Variants in OSMR observed in about 807,000 individuals in gnomAD.
OSMR encodes the protein oncostatin M receptor.
A neutral mutation model predicts 99.9 loss-of-function variants in OSMR; 81 were observed. The ratio of observed to expected loss-of-function variants is 0.81; its 90% CI spans 0.68 to 0.97. The LOEUF (loss-of-function observed/expected upper bound fraction) is 0.97. Among genes scored for constraint, OSMR ranks in the 50% least tolerant of loss-of-function variants. The pLI is 0.00. For synonymous variants in OSMR, 406 were observed against 410.4 expected (o/e 0.99, Z 0.13); for missense variants, 1,099 against 1,153.4 (o/e 0.95, Z 0.68).
chr5:38,868,314 G>A (rs1371794273), intron 1 of OSMR, among the ~76,000 whole-genome samples: 1 of 152,176 alleles, frequency 6.6e-6, no homozygotes, highest in Non-Finnish European at 1.5e-5. Flanking sequence ...AGCAGCTGAG[G>A]TGGCCCTCTC....
Position 38,903,933 on chromosome 5 carries a change from A to G in OSMR, c.1043A>G (p.Asn348Ser). The change falls in exon 8 of 18, where the codon AAT (asparagine) becomes AGT (serine). Residue 348 changes from asparagine to serine, a missense_variant. Physicochemically the swap from Asn to Ser is conservative, Grantham distance 46. Transcript: ENST00000274276. ...SVNFENVNAT[N>S]AIMTWKVHSI... ...AACTTTGAAAATGTAAATGCCACAAATGCCATCATGACCTGGAAGGTGCAC... is the reference window on the plus strand; with the variant it reads ...AACTTTGAAAATGTAAATGCCACAAGTGCCATCATGACCTGGAAGGTGCAC... 1.2e-6 allele frequency: 2 copies of G among 1,613,982 alleles called. No homozygotes were observed. The highest frequency in any genetic ancestry group is 1.7e-6 in the Non-Finnish European group (2 of 1,179,978).
intron 7 of OSMR, among the ~76,000 whole-genome samples, chr5:38,898,085 C>T (rs2112499240): frequency 6.6e-6 from 1 of 152,164 alleles, no homozygotes; most frequent in Admixed American, 6.5e-5. Flanking sequence ...AGCCATTGTA[C>T]AAAATATTTC....
chr5:38,902,140 A>G (rs1197674748), intron 7 of OSMR, among the ~76,000 whole-genome samples: 1 of 152,254 alleles, frequency 6.6e-6, no homozygotes, highest in Non-Finnish European at 1.5e-5. Context: ...TAAGTCCTCA[A>G]TTAACAAAAT....
At chr5:38,862,851 C>G (rs912148256) in intron 1 of OSMR, among the ~76,000 whole-genome samples, 24 of 152,174 alleles carry the variant, frequency 1.6e-4, no homozygotes, top group African/African-American at 3.6e-4. Context: ...GAGATCACAC[C>G]ACTGCACTCC....
At chr5:38,883,738 A>G in intron 4 of OSMR, 89 bp from the exon 5 acceptor site, 2 of 1,604,810 alleles carry the variant, frequency 1.2e-6, no homozygotes, top group Non-Finnish European at 1.7e-6. Flanking sequence ...AAAAAGCTAA[A>G]GTTATCTGCT....
chr5:38,883,038 G>A (rs967605067), intron 4 of OSMR, among the ~76,000 whole-genome samples: 1 of 152,208 alleles, frequency 6.6e-6, no homozygotes, highest in Non-Finnish European at 1.5e-5. Flanking sequence ...AAGAGGTTGG[G>A]TGTGGTGGCT....
intron 1 of OSMR, among the ~76,000 whole-genome samples, chr5:38,854,641 G>A (rs545137330): frequency 6.6e-6 from 1 of 152,268 alleles, no homozygotes; most frequent in East Asian, 1.9e-4. Context: ...AAGATTGAAA[G>A]CAAAGAAGAG....
chr5:38,876,448 C>G, intron 3 of OSMR, 75 bp downstream of exon 3: 6 of 1,238,206 alleles, frequency 4.8e-6, no homozygotes, highest in Non-Finnish European at 7.0e-6. Flanking sequence ...TTTATAACAT[C>G]TGAAAAATTC....
At chr5:38,855,124 C>T (rs1410625181) in intron 1 of OSMR, among the ~76,000 whole-genome samples, 1 of 152,184 alleles carries the variant, frequency 6.6e-6, no homozygotes, top group Non-Finnish European at 1.5e-5. Context: ...CACCACACAG[C>T]CCTCACCCTT....
chr5:38,942,705 G>A lies in OSMR; in HGVS notation c.75-1496G>A, dbSNP rs116674567. The A allele has an allele frequency of 4.0e-3, 2,858 of 721,424 alleles. 63 individuals carry two copies. The African/African-American group carries it at 0.045, about 11-fold the overall frequency. 44.7% of individuals were successfully genotyped at this position (721,424 alleles called of 1,614,324 possible). On this transcript the variant is annotated intron_variant and NMD_transcript_variant, in intron 1 of 2. Coordinates refer to the OSMR transcript ENST00000508882. ...TCCTGGGCTCAAGCAATTCTCCCGC[G>A]CTGACCCCACAAAGTGCTGGGATTG...
Position 38,935,023 on chromosome 5 carries a change from T to TG in OSMR, c.*1583dup, listed in dbSNP as rs1746951796. The TG allele has an allele frequency of 1.3e-5, 2 of 150,652 alleles. No homozygotes were observed. Among genetic ancestry groups the TG allele is most frequent in the South Asian group, 2.1e-4 (1 of 4,746 alleles). 9.3% of individuals were successfully genotyped at this position (150,652 alleles called of 1,614,324 possible). ...GGTAATTTTGTATCTTTAGTAGAGATGGGGTTTCACCATGTTGGTCAGGCT... is the reference window on the plus strand; with the variant it reads ...GGTAATTTTGTATCTTTAGTAGAGATGGGGGTTTCACCATGTTGGTCAGGCT... On this transcript the variant is annotated 3_prime_UTR_variant, in exon 18 of 18. Transcript: ENST00000274276.
chr5:38,886,478 C>A, intron 7 of OSMR: 1 of 478,922 alleles, frequency 2.1e-6, no homozygotes, highest in Non-Finnish European at 3.3e-6. Context: ...CCCCCACCTT[C>A]GCTCCTTCCG....
intron 6 of OSMR, 81 bp from the exon 7 acceptor site, chr5:38,885,958 C>A: frequency 6.4e-7 from 1 of 1,571,860 alleles, no homozygotes; most frequent in Non-Finnish European, 8.6e-7. Flanking sequence ...ACTGAGTATG[C>A]CCTGAGGGAT....
Position 38,932,449 on chromosome 5 carries a change from G to C in OSMR, c.2295-14G>C, listed in dbSNP as rs369479225. On this transcript the variant is annotated splice_polypyrimidine_tract_variant and intron_variant, in intron 16 of 17. Coordinates refer to ENST00000274276, the MANE Select transcript of OSMR (RefSeq NM_003999.3). ...TACTGTGAAATTCAGTCTCATTTTCGCTTTTTTTTCTAGGATCAAGGAGAC... is the reference window on the plus strand; with the variant it reads ...TACTGTGAAATTCAGTCTCATTTTCCCTTTTTTTTCTAGGATCAAGGAGAC... 1 of 1,605,414 alleles carries C rather than the reference G, an allele frequency of 6.2e-7. No individual in the cohort carries two copies. Among genetic ancestry groups the C allele is most frequent in the Non-Finnish European group, 8.5e-7 (1 of 1,172,102 alleles).
intron 1 of OSMR, among the ~76,000 whole-genome samples, chr5:38,862,798 G>A (rs1579644367): frequency 2.0e-5 from 3 of 152,242 alleles, no homozygotes; most frequent in East Asian, 3.9e-4. Context: ...GGCACTTTGG[G>A]AGGCCAAGGC....
intron 9 of OSMR, among the ~76,000 whole-genome samples, chr5:38,909,160 C>G (rs756376218): frequency 6.6e-6 from 1 of 152,026 alleles, no homozygotes; most frequent in Non-Finnish European, 1.5e-5. Context: ...AGCTCAAAGA[C>G]CAGTTCTTCA....
At chr5:38,913,637 A>G (rs140693985) in intron 9 of OSMR, among the ~76,000 whole-genome samples, 2 of 152,078 alleles carry the variant, frequency 1.3e-5, no homozygotes, top group African/African-American at 4.8e-5. Flanking sequence ...AATGCTCAAC[A>G]TCACCAATCA....
rs115899745 is a variant in OSMR at position 38,849,658 on chromosome 5, T to C, written c.-14+3271T>C. On this transcript the variant is annotated intron_variant, in intron 1 of 17. Coordinates refer to ENST00000274276, the MANE Select transcript of OSMR (RefSeq NM_003999.3). ...TTTAATTAAGATTTTATTGAGTTTATAATTGTTAGCAATTTTTAATGCTTT... is the reference window on the plus strand; with the variant it reads ...TTTAATTAAGATTTTATTGAGTTTACAATTGTTAGCAATTTTTAATGCTTT... Among the ~76,000 whole-genome samples, 994 of 152,336 alleles carry C rather than the reference T, an allele frequency of 6.5e-3. 20 individuals are homozygous for C. The highest frequency in any genetic ancestry group is 0.023 in the African/African-American group (964 of 41,578).
At chr5:38,918,410 C>T (rs1308697633) in intron 10 of OSMR, among the ~76,000 whole-genome samples, 2 of 152,104 alleles carry the variant, frequency 1.3e-5, no homozygotes, top group Non-Finnish European at 2.9e-5. Context: ...GCAGCTAATC[C>T]CTGTACGGCT....
Sources: gnomAD v4.1 joint callset for allele counts (sites outside exome capture counted in the v4.1 genomes callset) on GRCh38, gnomAD v4.1.1 for gene constraint, MANE v1.5 for transcripts, NCBI Gene and HGNC (gene_info 2026-07-23, HGNC 2026-07-21) for gene names.